PDCD2L: variants seen among roughly 807,000 people sequenced by gnomAD.
PDCD2L encodes the protein uS5 assembly chaperone PDCD2L.
A neutral mutation model predicts 40.4 loss-of-function variants in PDCD2L; 44 were observed. The ratio of observed to expected loss-of-function variants is 1.09; its 90% CI spans 0.86 to 1.40. The LOEUF (loss-of-function observed/expected upper bound fraction) is 1.40, where lower values mean the gene tolerates loss of function less well. Among genes scored for constraint, PDCD2L ranks in the 40% most tolerant of loss-of-function variants. The pLI, the probability that PDCD2L is intolerant of heterozygous loss-of-function variation, is 0.00. For synonymous variants in PDCD2L, 194 were observed against 174.6 expected, an observed-to-expected ratio of 1.11 and a Z score of -0.88; for missense variants, 470 against 453.7, an observed-to-expected ratio of 1.04 and a Z score of -0.33.
At chr19:34,409,749 A>G (rs1157848676) in intron 4 of PDCD2L, among the ~76,000 whole-genome samples, 1 of 152,250 alleles carries the variant, frequency 6.6e-6, no homozygotes, top group East Asian at 1.9e-4. Context: ...AAGTATTTAT[A>G]GAAGACGCGT....
At position 34,404,748 on chromosome 19, in the gene PDCD2L, C is replaced by G; in HGVS notation, c.208C>G (p.Pro70Ala). 6.2e-7 allele frequency: 1 copy of G among 1,611,796 alleles called. No homozygotes were observed. The highest frequency in any genetic ancestry group is 1.3e-5 in the African/African-American group (1 of 75,044). ...VQVYCPLEGS[P>A]FHRLLHVFAC... ...GGTGTATTGCCCGCTGGAAGGCTCCCCGTTTCACCGTCTGCTGCACGTGTT... is the reference window on the plus strand; with the variant it reads ...GGTGTATTGCCCGCTGGAAGGCTCCGCGTTTCACCGTCTGCTGCACGTGTT... Residue 70 changes from proline to alanine, a missense_variant, in exon 2 of 7, where the codon CCG becomes GCG. By Grantham distance (27) the Pro-to-Ala change is conservative (BLOSUM62 -1). Transcript: ENST00000246535.
intron 3 of PDCD2L, among the ~76,000 whole-genome samples, chr19:34,408,802 T>C (rs1009572557): frequency 2.0e-5 from 3 of 152,200 alleles, no homozygotes; most frequent in African/African-American, 7.2e-5. Flanking sequence ...TAGACCTGAT[T>C]AGCAGACCCC....
At chr19:34,404,589 G>A (rs777527165) in intron 1 of PDCD2L, 51 bp downstream of exon 1, 1 of 1,588,134 alleles carries the variant, frequency 6.3e-7, no homozygotes, top group South Asian at 1.1e-5. Flanking sequence ...GAAGGGTGCG[G>A]AGGGAGTGGG....
chr19:34,408,198 G>C (rs1478807219), intron 3 of PDCD2L, among the ~76,000 whole-genome samples: 1 of 152,178 alleles, frequency 6.6e-6, no homozygotes, highest in Non-Finnish European at 1.5e-5. Flanking sequence ...GTGAGACACT[G>C]GGCCCGGCCT....
chr19:34,409,423 A>G lies in PDCD2L; in HGVS notation c.599A>G (p.Asp200Gly). The stretch of plus-strand genomic sequence containing the variant: ...GTTGCAGATGAGGATGATTACAGGG[A>G]CTTTGTCAACCTGGATCATGCCCAC... Reference protein sequence around the residue: ...ICVADEDDYRDFVNLDHAHSL... With the variant: ...ICVADEDDYRGFVNLDHAHSL... Residue 200 changes from aspartate (D) to glycine (G), a missense_variant, in exon 4 of 7, where the codon GAC (aspartate) becomes GGC (glycine). Physicochemically the swap from Asp to Gly is moderately conservative, Grantham distance 94. Coordinates refer to ENST00000246535, the MANE Select transcript of PDCD2L (RefSeq NM_032346.2). The G allele has an allele frequency of 6.2e-7, 1 of 1,614,098 alleles. No homozygotes were observed. The highest frequency in any genetic ancestry group is 8.5e-7 in the Non-Finnish European group (1 of 1,180,018).
chr19:34,404,515 G>T lies in PDCD2L; in HGVS notation c.85G>T (p.Ala29Ser). The T allele has an allele frequency of 6.5e-7, 1 of 1,542,928 alleles. No individual in the cohort carries two copies. The highest frequency in any genetic ancestry group is 2.4e-5 in the East Asian group (1 of 41,024). ...GSPTGPGAWT[A>S]SKLGGIPDAL... is the part of the protein sequence containing the mutation. ...CCCCACAGGGCCGGGTGCCTGGACT[G>T]CTAGCAAGCTGGGCGGCATTCCGGT... The change falls in exon 1 of 7, where the codon GCT becomes TCT. Residue 29 changes from alanine to serine, a missense_variant. Coordinates refer to ENST00000246535, the MANE Select transcript of PDCD2L (RefSeq NM_032346.2).
At chr19:34,408,939 A>G (rs1023341923) in intron 3 of PDCD2L, among the ~76,000 whole-genome samples, 2 of 152,160 alleles carry the variant, frequency 1.3e-5, no homozygotes, top group Admixed American at 1.3e-4. Flanking sequence ...CCTGTACTAT[A>G]TCTGTCACAC....
intron 5 of PDCD2L, among the ~76,000 whole-genome samples, chr19:34,420,126 G>T (rs1356850323): frequency 2.0e-5 from 3 of 151,918 alleles, no homozygotes; most frequent in Non-Finnish European, 4.4e-5. Flanking sequence ...CCACAGCTGG[G>T]ATTACAGGCA....
At chr19:34,414,711 A>G (rs1238874713) in intron 5 of PDCD2L, among the ~76,000 whole-genome samples, 1 of 151,864 alleles carries the variant, frequency 6.6e-6, no homozygotes, top group Non-Finnish European at 1.5e-5. Context: ...GCTGGTTCCA[A>G]ACTTCTGGGT....
rs1382650528 is a variant in PDCD2L at position 34,425,827 on chromosome 19, CTTA to C, written c.947-158_947-156del. ...TTTGCTTTTTTGTTATCAATATTCA[CTTA>C]TTATAGGATAGACTGTGATTCTGTT... On this transcript the variant is annotated intron_variant, in intron 6 of 6. Transcript: ENST00000246535. 3.3e-5 allele frequency among the ~76,000 whole-genome samples: 5 copies of C among 152,264 alleles called. No individual in the cohort carries two copies. The South Asian group carries it at 8.3e-4, about 25-fold the overall frequency.
chr19:34,421,676 C>T lies in PDCD2L; in HGVS notation c.946+9C>T, dbSNP rs2075152172. 5 of 1,584,264 alleles carry T rather than the reference C, an allele frequency of 3.2e-6. No individual in the cohort carries two copies. In the South Asian group the frequency reaches 3.5e-5, roughly 11 times the overall value. On this transcript the variant is annotated intron_variant, in intron 6 of 6. Transcript: ENST00000246535. The stretch of plus-strand genomic sequence containing the variant: ...CAAGAGTGCTAATTTAGGTGAGAAG[C>T]CCTTTATTAATTTGAGTTTGTGGAT...
chr19:34,423,265 C>A (rs1383202068), intron 6 of PDCD2L, among the ~76,000 whole-genome samples: 1 of 151,980 alleles, frequency 6.6e-6, no homozygotes, highest in Non-Finnish European at 1.5e-5. Context: ...TCACTGCAAC[C>A]TCTGCCTCCC....
chr19:34,411,462 C>A (rs1191580841), intron 4 of PDCD2L, among the ~76,000 whole-genome samples: 2 of 151,590 alleles, frequency 1.3e-5, no homozygotes, highest in Admixed American at 6.6e-5. Context: ...CCGGGCTCTT[C>A]TTGGAGTTCT....
At chr19:34,416,988 C>T (rs1348928674) in intron 5 of PDCD2L, among the ~76,000 whole-genome samples, 2 of 152,010 alleles carry the variant, frequency 1.3e-5, no homozygotes, top group African/African-American at 4.8e-5. Context: ...GTGGTGGGTG[C>T]CTATAGTCCC....
chr19:34,422,829 C>T (rs2075158617), intron 6 of PDCD2L, among the ~76,000 whole-genome samples: 1 of 152,012 alleles, frequency 6.6e-6, no homozygotes, highest in Non-Finnish European at 1.5e-5. Flanking sequence ...CATTCTCCTG[C>T]CTCAGCCTCC....
intron 3 of PDCD2L, among the ~76,000 whole-genome samples, chr19:34,407,173 C>T (rs1039135518): frequency 4.0e-5 from 6 of 148,808 alleles, no homozygotes; most frequent in African/African-American, 9.9e-5. Context: ...GATGGAGTTT[C>T]GCTTTGTTGC....
chr19:34,425,550 T>C (rs1478268019), intron 6 of PDCD2L, among the ~76,000 whole-genome samples: 1 of 151,786 alleles, frequency 6.6e-6, no homozygotes, highest in Admixed American at 6.6e-5. Context: ...TGTTTGTTTG[T>C]TTTGTTTTTT....
chr19:34,409,511 G>T lies in PDCD2L; in HGVS notation c.686+1G>T. 2 of 1,611,650 alleles carry T rather than the reference G, an allele frequency of 1.2e-6. No individual in the cohort carries two copies. The highest frequency in any genetic ancestry group is 1.8e-4 in the Middle Eastern group (1 of 5,618). The stretch of plus-strand genomic sequence containing the variant: ...CCATGGATCAGTTGCTTTCCCAAAG[G>T]TGAGGATGTGTGCTGCTGAGGTTGA... On this transcript the variant is annotated splice_donor_variant, in intron 4 of 6. Transcript: ENST00000246535. LOFTEE classifies it high-confidence loss of function.
chr19:34,417,333 G>A (rs1027453152), intron 5 of PDCD2L, among the ~76,000 whole-genome samples: 2 of 152,224 alleles, frequency 1.3e-5, no homozygotes, highest in Middle Eastern at 3.4e-3. Flanking sequence ...ACACTGGCCG[G>A]GTGTGGTGGC....
Sources: gnomAD v4.1 joint callset for allele counts (sites outside exome capture counted in the v4.1 genomes callset) on GRCh38, gnomAD v4.1.1 for gene constraint, MANE v1.5 for transcripts, NCBI Gene and HGNC (gene_info 2026-07-23, HGNC 2026-07-21) for gene names.